The following ZFHX3 variants were observed in gnomAD, a reference collection of about 807,000 sequenced individuals.
ZFHX3 encodes the protein zinc finger homeobox protein 3.
Under a neutral mutation model 279.1 loss-of-function variants are expected in ZFHX3, and 42 were observed. That is an observed-to-expected ratio of 0.15 (90% CI 0.12 to 0.19). The LOEUF (loss-of-function observed/expected upper bound fraction) is 0.19. Among genes scored for constraint, ZFHX3 ranks in the 10% least tolerant of loss-of-function variants. The pLI is 1.00. For missense variants in ZFHX3, 4,981 were observed against 4,754.0 expected, an observed-to-expected ratio of 1.05 and a Z score of -1.40; for synonymous variants, 2,293 against 1,957.8, an observed-to-expected ratio of 1.17 and a Z score of -4.52.
At chr16:72,876,724 G>C (rs2038324979) in intron 4 of ZFHX3, among the ~76,000 whole-genome samples, 1 of 152,066 alleles carries the variant, frequency 6.6e-6, no homozygotes, top group African/African-American at 2.4e-5. Flanking sequence ...ACCATAGCTT[G>C]CTGCTGCTTT....
chr16:73,198,816 C>A (rs1441115682), intron 5 of ZFHX3, among the ~76,000 whole-genome samples: 1 of 152,196 alleles, frequency 6.6e-6, no homozygotes, highest in Non-Finnish European at 1.5e-5. Context: ...CCAGGCAAAG[C>A]CAACGGCACT....
At chr16:73,332,055 C>T (rs1017274484) in intron 3 of ZFHX3, among the ~76,000 whole-genome samples, 2 of 152,194 alleles carry the variant, frequency 1.3e-5, no homozygotes, top group African/African-American at 4.8e-5. Flanking sequence ...CTTCAGACAA[C>T]GTGGCTTTTA....
At chr16:73,380,260 A>C (rs2016798087) in intron 3 of ZFHX3, among the ~76,000 whole-genome samples, 1 of 152,206 alleles carries the variant, frequency 6.6e-6, no homozygotes, top group African/African-American at 2.4e-5. Context: ...AAAATACAAG[A>C]TTTTAATGAA....
chr16:73,100,962 C>G (rs1485563916), intron 7 of ZFHX3, among the ~76,000 whole-genome samples: 1 of 152,180 alleles, frequency 6.6e-6, no homozygotes, highest in Non-Finnish European at 1.5e-5. Context: ...ACCCCCAGCA[C>G]CTGACTGCTG....
intron 3 of ZFHX3, among the ~76,000 whole-genome samples, chr16:73,419,323 T>C (rs1217446677): frequency 6.6e-6 from 1 of 152,242 alleles, no homozygotes; most frequent in Non-Finnish European, 1.5e-5. Context: ...ATCTGCAATT[T>C]GCCTCACTTG....
intron 1 of ZFHX3, among the ~76,000 whole-genome samples, chr16:73,778,778 G>A (rs1266029950): frequency 6.6e-6 from 1 of 152,138 alleles, no homozygotes; most frequent in Non-Finnish European, 1.5e-5. Flanking sequence ...CAGGATTGCT[G>A]GCTCCAAATA....
intron 5 of ZFHX3, among the ~76,000 whole-genome samples, chr16:73,251,308 G>T (rs1247259236): frequency 2.0e-5 from 3 of 152,164 alleles, no homozygotes; most frequent in African/African-American, 7.2e-5. Context: ...GAATCACTAA[G>T]CTGTGGATAA....
chr16:72,805,446 C>A lies in ZFHX3; in HGVS notation c.3865-5317G>T, dbSNP rs140736639. ...TAGGCTCCCAAGGATGCCTCAAATC[C>A]TTTACTTTTAATTGAAAATCAATAG... On this transcript the variant is annotated intron_variant, in intron 7 of 9. Transcript: ENST00000268489. Among the ~76,000 whole-genome samples the A allele has an allele frequency of 6.8e-3, 1,032 of 152,248 alleles. 21 individuals are homozygous for A. Among genetic ancestry groups the A allele is most frequent in the African/African-American group, 0.024 (985 of 41,536 alleles).
intron 3 of ZFHX3, among the ~76,000 whole-genome samples, chr16:72,897,023 GGCT>G (rs1209288068): frequency 5.3e-5 from 8 of 152,216 alleles, no homozygotes; most frequent in African/African-American, 1.7e-4. Context: ...TGAGCCAGGG[GGCT>G]ATTCCAGGAG....
chr16:73,161,179 A>G (rs1310489158), intron 5 of ZFHX3, among the ~76,000 whole-genome samples: 1 of 152,028 alleles, frequency 6.6e-6, no homozygotes, highest in Non-Finnish European at 1.5e-5. Context: ...GTCTCCCTAT[A>G]TTGCCCAGGT....
chr16:72,946,906 T>C lies in ZFHX3; in HGVS notation c.3216+3563A>G, dbSNP rs184184578. ...TAAGGACCCCGGAGCTCAGTCCCAG[T>C]TGAGAGACAAGTGCCTTCTGCATTT... On this transcript the variant is annotated intron_variant, in intron 3 of 9. Coordinates refer to ENST00000268489, the MANE Select transcript of ZFHX3 (RefSeq NM_006885.4). Among the ~76,000 whole-genome samples the C allele has an allele frequency of 5.9e-5, 9 of 152,284 alleles. No homozygotes were observed. The East Asian group carries it at 1.7e-3, about 29-fold the overall frequency.
chr16:73,836,105 G>C (rs1262186432), intron 1 of ZFHX3, among the ~76,000 whole-genome samples: 1 of 152,300 alleles, frequency 6.6e-6, no homozygotes, highest in Non-Finnish European at 1.5e-5. Context: ...GAACAAGAGG[G>C]GAGAGATTTA....
intron 1 of ZFHX3, among the ~76,000 whole-genome samples, chr16:73,705,160 T>G (rs961838478): frequency 6.6e-6 from 1 of 152,230 alleles, no homozygotes; most frequent in African/African-American, 2.4e-5. Context: ...ATCTTTGCTT[T>G]TAATATAATT....
upstream of ZFHX3, chr16:73,062,145 G>A (rs1458816327): frequency 6.6e-6 from 1 of 152,132 alleles, no homozygotes; most frequent in African/African-American, 2.4e-5. Flanking sequence ...CAAGAGGGCA[G>A]AAAATTTTAG....
chr16:73,157,085 A>C (rs1165451302), intron 5 of ZFHX3, among the ~76,000 whole-genome samples: 1 of 152,090 alleles, frequency 6.6e-6, no homozygotes, highest in Non-Finnish European at 1.5e-5. Context: ...CCACGTTTCT[A>C]AAGCGCACTC....
chr16:73,338,937 C>G (rs1385687371), intron 3 of ZFHX3, among the ~76,000 whole-genome samples: 2 of 152,198 alleles, frequency 1.3e-5, no homozygotes, highest in African/African-American at 4.8e-5. Flanking sequence ...CCCCCTTGCT[C>G]TCTTCCTCCT....
intron 3 of ZFHX3, among the ~76,000 whole-genome samples, chr16:73,436,466 A>G (rs915008995): frequency 3.9e-5 from 6 of 152,182 alleles, no homozygotes; most frequent in South Asian, 4.1e-4. Context: ...TTATAAAACC[A>G]TCAGATGTCG....
rs145099151 is a variant in ZFHX3 at position 73,375,141 on chromosome 16, T to G, written c.-1290-56805A>C. Among the ~76,000 whole-genome samples the G allele has an allele frequency of 6.7e-3, 1,015 of 152,320 alleles. 4 individuals are homozygous for G. Among genetic ancestry groups the G allele is most frequent in the Admixed American group, 0.011 (167 of 15,298 alleles). On this transcript the variant is annotated intron_variant, in intron 3 of 17. Transcript: ENST00000641206. ...TCTATTGCATGAATTTTCCCCCCAT[T>G]TGGTTACCTTGAGGTTTTGGTTTTC...
chr16:73,210,584 C>A (rs946225187), intron 5 of ZFHX3, among the ~76,000 whole-genome samples: 2 of 152,040 alleles, frequency 1.3e-5, no homozygotes. Flanking sequence ...TCCTATTGAC[C>A]TGAATTCAAA....
Sources: gnomAD v4.1 joint callset for allele counts (sites outside exome capture counted in the v4.1 genomes callset) on GRCh38, gnomAD v4.1.1 for gene constraint, MANE v1.5 for transcripts, NCBI Gene and HGNC (gene_info 2026-07-23, HGNC 2026-07-21) for gene names.